SPRY4: variants seen among roughly 807,000 people sequenced by gnomAD.
SPRY4 encodes the protein protein sprouty homolog 4.
SPRY4 carries 7 observed loss-of-function variants against 17.0 expected under a neutral mutation model. That is an observed-to-expected ratio of 0.41 (90% confidence interval 0.23 to 0.77). The LOEUF (loss-of-function observed/expected upper bound fraction) is 0.77, where lower values mean the gene tolerates loss of function less well. SPRY4 is among the 30% of genes least tolerant of loss of function. The pLI is 0.32. For synonymous variants in SPRY4, 183 were observed against 174.1 expected (o/e 1.05, Z -0.40); for missense variants, 435 against 419.9 (o/e 1.04, Z -0.31).
rs1758903837 is a variant in SPRY4, at chr5:142,311,403, C to CGAGG, written c.*2802_*2805dup. On this transcript the variant is annotated 3_prime_UTR_variant, in exon 2 of 2. Transcript: ENST00000434127. ...CAGCACTTTTCAAAAAAGGTCAAGC[C>CGAGG]GAGGCATCGTCCAGCCAAACAGGCC... The CGAGG allele has an allele frequency of 6.6e-6, 1 of 152,232 alleles. No individual in the cohort carries two copies. Among genetic ancestry groups the CGAGG allele is most frequent in the South Asian group, 2.1e-4 (1 of 4,818 alleles). The allele number at this position is 152,232 out of a possible 1,614,324, so 9.4% of individuals were successfully genotyped here.
intron 1 of SPRY4, among the ~76,000 whole-genome samples, chr5:142,322,923 T>C (rs1382455777): frequency 1.3e-5 from 2 of 152,016 alleles, no homozygotes; most frequent in Non-Finnish European, 2.9e-5. Flanking sequence ...GGAAATGTGA[T>C]TTCACACTGG....
chr5:142,318,346 C>A (rs1458240258), intron 1 of SPRY4, among the ~76,000 whole-genome samples: 1 of 151,820 alleles, frequency 6.6e-6, no homozygotes, highest in Non-Finnish European at 1.5e-5. Flanking sequence ...ATTAGCCAGG[C>A]ATGGTGGCAG....
rs1299248681 is a variant in SPRY4, at chr5:142,313,733, A to G, written c.*476T>C. The G allele has an allele frequency of 2.4e-5, 4 of 169,232 alleles. No individual in the cohort carries two copies. The highest frequency in any genetic ancestry group is 5.5e-5 in the Admixed American group (1 of 18,210). 10.5% of individuals were successfully genotyped at this position (169,232 alleles called of 1,614,324 possible). A position where few individuals can be genotyped will look rare whatever the true frequency, so the allele number is the denominator to read the frequency against. On this transcript the variant is annotated 3_prime_UTR_variant, in exon 2 of 2. Coordinates refer to ENST00000434127, the MANE Select transcript of SPRY4 (RefSeq NM_001127496.3). ...GGAGAAGAAGGTATAGAAGACTCCAAGGGTCTTCTTTAAAGGTACCCTGGT... is the reference window on the plus strand; with the variant it reads ...GGAGAAGAAGGTATAGAAGACTCCAGGGGTCTTCTTTAAAGGTACCCTGGT...
In SPRY4 at chr5:142,312,474, G is replaced by A. The variant is rs1262982120; in HGVS notation, c.*1735C>T. On this transcript the variant is annotated 3_prime_UTR_variant, in exon 2 of 2. Coordinates refer to ENST00000434127, the MANE Select transcript of SPRY4 (RefSeq NM_001127496.3). ...GATGTTACTACTAGTCTTCAAGAAG[G>A]AAAAAATAAGTCCTTGAGAAGCATT... 6.6e-6 allele frequency: 1 copy of A among 152,100 alleles called. No homozygotes were observed. Among genetic ancestry groups the A allele is most frequent in the Non-Finnish European group, 1.5e-5 (1 of 68,000 alleles). 9.4% of individuals were successfully genotyped at this position (152,100 alleles called of 1,614,324 possible).
intron 1 of SPRY4, among the ~76,000 whole-genome samples, chr5:142,322,776 G>A (rs1759389517): frequency 6.6e-6 from 1 of 152,190 alleles, no homozygotes; most frequent in Admixed American, 6.5e-5. Context: ...GAAGATTTCA[G>A]AAATCTGCTA....
Position 142,310,777 on chromosome 5 carries a change from T to C in SPRY4, c.*3432A>G, listed in dbSNP as rs1444754401. On this transcript the variant is annotated 3_prime_UTR_variant, in exon 2 of 2. Coordinates refer to ENST00000434127, the MANE Select transcript of SPRY4 (RefSeq NM_001127496.3). ...GCACGCAGTTACCCACAGCAGAAAA[T>C]GGCAACGCAAGATTCATCATCGACT... 1 of 151,768 alleles carries C rather than the reference T, an allele frequency of 6.6e-6. No individual in the cohort carries two copies. Among genetic ancestry groups the C allele is most frequent in the East Asian group, 1.9e-4 (1 of 5,168 alleles). 9.4% of individuals were successfully genotyped at this position (151,768 alleles called of 1,614,324 possible).
At chr5:142,317,009 T>A (rs772838432) in intron 1 of SPRY4, 1 of 985,450 alleles carries the variant, frequency 1.0e-6, no homozygotes, top group Non-Finnish European at 1.2e-6. Flanking sequence ...TCTCTTCGGA[T>A]GAAACCATAG....
intron 1 of SPRY4, among the ~76,000 whole-genome samples, chr5:142,323,590 G>A (rs1759425226): frequency 6.6e-6 from 1 of 152,118 alleles, no homozygotes; most frequent in South Asian, 2.1e-4. Context: ...AGCCCCTCCA[G>A]CCCATTTCGC....
rs775419201 is a variant in SPRY4, at chr5:142,314,224, G to A, written c.885C>T (p.Pro295=). The A allele has an allele frequency of 8.1e-6, 13 of 1,608,304 alleles. No individual in the cohort carries two copies. The highest frequency in any genetic ancestry group is 1.3e-5 in the African/African-American group (1 of 74,886). The stretch of plus-strand genomic sequence containing the variant: ...ACACAAACTGTCAGAAAGGCTTGTC[G>A]GGCCTGCTGGTCTTGGCATCCCCGC... ...AASGDAKTSR[P]DKPF Residue 295 remains proline, a synonymous_variant, in exon 2 of 2, where the codon CCC becomes CCT. Coordinates refer to ENST00000434127, the MANE Select transcript of SPRY4 (RefSeq NM_001127496.3). This position sits in a 1 kb window ranked among gnomAD's most constrained non-coding sequence, Gnocchi z 4.8.
chr5:142,315,349 A>C (rs745418990), intron 1 of SPRY4, 194 bp from the exon 2 acceptor site: 14 of 564,666 alleles, frequency 2.5e-5, no homozygotes, highest in South Asian at 5.1e-5. Context: ...GGTGGAAATA[A>C]TACTACTGAG....
chr5:142,317,648 T>C, intron 1 of SPRY4: 1 of 985,084 alleles, frequency 1.0e-6, no homozygotes, highest in African/African-American at 1.7e-5. Flanking sequence ...TTTGTGAGGT[T>C]CTTTAAAAAC....
intron 1 of SPRY4, chr5:142,317,368 C>T: frequency 1.0e-6 from 1 of 985,396 alleles, no homozygotes; most frequent in Non-Finnish European, 1.2e-6. Context: ...GTGGCTTGGC[C>T]TAAGAATTAA....
At chr5:142,318,205 C>G in intron 1 of SPRY4, 1 of 984,136 alleles carries the variant, frequency 1.0e-6, no homozygotes, top group Admixed American at 6.1e-5. Context: ...AGAAAGAAGG[C>G]CTGGCGCAGT....
intron 1 of SPRY4, among the ~76,000 whole-genome samples, chr5:142,322,921 G>C (rs1417392556): frequency 6.6e-6 from 1 of 151,972 alleles, no homozygotes; most frequent in Non-Finnish European, 1.5e-5. Flanking sequence ...GAGGAAATGT[G>C]ATTTCACACT....
At chr5:142,317,401 C>A in intron 1 of SPRY4, 1 of 985,382 alleles carries the variant, frequency 1.0e-6, no homozygotes, top group South Asian at 4.7e-5. Context: ...TAAGATTCTC[C>A]AGCACCAGCC....
rs944669348 is a variant in SPRY4, at chr5:142,311,460, C to G, written c.*2749G>C. The G allele has an allele frequency of 2.0e-5, 3 of 152,400 alleles. No individual in the cohort carries two copies. The highest frequency in any genetic ancestry group is 2.1e-4 in the South Asian group (1 of 4,822). 9.4% of individuals were successfully genotyped at this position (152,400 alleles called of 1,614,324 possible). ...GACAGGAAACACACTCAGCCAGAAG[C>G]AGCTACACATGTGTGTTGTGTCTCT... On this transcript the variant is annotated 3_prime_UTR_variant, in exon 2 of 2. Coordinates refer to ENST00000434127, the MANE Select transcript of SPRY4 (RefSeq NM_001127496.3).
chr5:142,314,171 G>T lies in SPRY4; in HGVS notation c.*38C>A. 1.3e-6 allele frequency: 2 copies of T among 1,566,622 alleles called. No homozygotes were observed. Among genetic ancestry groups the T allele is most frequent in the Non-Finnish European group, 1.7e-6 (2 of 1,158,756 alleles). ...CTTCTTAGATGTCAGAAGAGAACCA[G>T]GTTTCCAGGCAGAGCACTGGGGCTT... On this transcript the variant is annotated 3_prime_UTR_variant, in exon 2 of 2. Transcript: ENST00000434127. The surrounding 1 kb of genome is among the most constrained non-coding windows in gnomAD (Gnocchi z 4.8).
At chr5:142,321,791 C>T (rs973272773) in intron 1 of SPRY4, among the ~76,000 whole-genome samples, 1 of 152,184 alleles carries the variant, frequency 6.6e-6, no homozygotes, top group Non-Finnish European at 1.5e-5. Flanking sequence ...GCCTCCTTTG[C>T]ACCAACACCC....
chr5:142,321,482 G>C (rs73796086), intron 1 of SPRY4, among the ~76,000 whole-genome samples: 1,891 of 152,304 alleles, frequency 0.012, 44 homozygotes, highest in African/African-American at 0.043. Context: ...ATTCTAATGA[G>C]TCACTGCTTT....
Sources: allele counts gnomAD v4.1 joint callset (sites outside exome capture counted in the v4.1 genomes callset), GRCh38; gene constraint gnomAD v4.1.1; non-coding constraint Gnocchi (gnomAD v3.1); transcripts MANE v1.5; gene names NCBI Gene and HGNC (gene_info 2026-07-23, HGNC 2026-07-21).